Variants in ANKRD30A observed in about 807,000 individuals in gnomAD.
ANKRD30A encodes the protein ankyrin repeat domain 30A, also known as ankyrin repeat domain-containing protein 30A.
In ANKRD30A, 170 loss-of-function variants were observed where a neutral mutation model predicts 166.3. That is an observed-to-expected ratio of 1.02 (90% CI 0.90 to 1.16). The LOEUF is 1.16. Ranked by LOEUF, ANKRD30A falls within the 50% of genes most tolerant of loss-of-function variation. ANKRD30A has a pLI of 0.00. For synonymous variants in ANKRD30A, 564 were observed against 508.9 expected (o/e 1.11, Z -1.46); for missense variants, 1,630 against 1,518.0 (o/e 1.07, Z -1.23).
At chr10:37,228,967 C>T (rs947061718) in intron 34 of ANKRD30A, among the ~76,000 whole-genome samples, 1 of 151,970 alleles carries the variant, frequency 6.6e-6, no homozygotes, top group Admixed American at 6.6e-5. Flanking sequence ...TCGGCCAGGA[C>T]AGCTTGTCAC....
At chr10:37,253,664 T>TG in the ANKRD30A span, among the ~76,000 whole-genome samples, 1 of 150,982 alleles carries the variant, frequency 6.6e-6, no homozygotes, top group African/African-American at 2.4e-5. Flanking sequence ...TTTTTTTTTT[T>TG]TTGAGATGGA....
intron 1 of ANKRD30A, 55 bp from the exon 2 acceptor site, chr10:37,129,838 G>T: frequency 1.9e-6 from 2 of 1,038,546 alleles, no homozygotes; most frequent in Non-Finnish European, 2.6e-6. Flanking sequence ...ATAACTCATT[G>T]TATGTTTTGG....
At chr10:37,196,588 G>A (rs754032805) in intron 27 of ANKRD30A, among the ~76,000 whole-genome samples, 1 of 152,028 alleles carries the variant, frequency 6.6e-6, no homozygotes, top group Non-Finnish European at 1.5e-5. Context: ...AATTAAAAAA[G>A]TTATTTATGT....
At chr10:37,250,311 T>C in the ANKRD30A span, among the ~76,000 whole-genome samples, 1 of 152,146 alleles carries the variant, frequency 6.6e-6, no homozygotes, top group Admixed American at 6.5e-5. Context: ...GGGGTGGCCA[T>C]ACAGGTCAGG....
rs573637882 is a variant in ANKRD30A, at chr10:37,158,265, A to C, written c.1799-127A>C. 5 of 1,420,368 alleles carry C rather than the reference A, an allele frequency of 3.5e-6. No homozygotes were observed. In the East Asian group the frequency reaches 1.2e-4, roughly 33 times the overall value. 88.0% of individuals were successfully genotyped at this position (1,420,368 alleles called of 1,614,324 possible). On this transcript the variant is annotated intron_variant, in intron 13 of 35. Coordinates refer to ENST00000361713, the MANE Select transcript of ANKRD30A (RefSeq NM_052997.3). ...CAAATACAATAACCCAAAAGACCCC[A>C]AAACATAGTGTAATCCGTTTTGCAA...
chr10:37,145,335 GGTGTGGTGGCATACCCCTGTAA>G (rs1277041279), intron 8 of ANKRD30A, among the ~76,000 whole-genome samples: 2 of 151,994 alleles, frequency 1.3e-5, no homozygotes, highest in African/African-American at 4.8e-5. Context: ...AAATTAGTTG[GGTGTGGTGGCATACCCCTGTAA>G]TCCCAGCTAC....
At chr10:37,232,860 T>C (rs1164328741), downstream of ANKRD30A, among the ~76,000 whole-genome samples, 2 of 140,404 alleles carry the variant, frequency 1.4e-5, no homozygotes, top group Non-Finnish European at 1.5e-5. Flanking sequence ...GAATAGCCAA[T>C]GCCCTCCAGC....
chr10:37,235,459 A>G, downstream of ANKRD30A, among the ~76,000 whole-genome samples: 1 of 152,200 alleles, frequency 6.6e-6, no homozygotes, highest in East Asian at 1.9e-4. Flanking sequence ...ATTATGCTAC[A>G]TGGGAGTGCA....
intron 25 of ANKRD30A, among the ~76,000 whole-genome samples, chr10:37,191,568 C>T (rs1840579970): frequency 6.6e-6 from 1 of 152,006 alleles, no homozygotes; most frequent in Non-Finnish European, 1.5e-5. Flanking sequence ...TCAGTTTTCT[C>T]CTTATCAGTC....
At position 37,216,749 on chromosome 10, in the gene ANKRD30A, A is replaced by C. The variant is rs1307207144; in HGVS notation, c.3083+355A>C. On this transcript the variant is annotated intron_variant, in intron 32 of 35. Transcript: ENST00000361713. ...TTCTACTTTTCTAATTATTGACTTG[A>C]AATAAATTCTTCAATATAAAAATAT... Among the ~76,000 whole-genome samples, 4 of 151,314 alleles carry C rather than the reference A, an allele frequency of 2.6e-5. No individual in the cohort carries two copies. In the East Asian group the frequency reaches 7.8e-4, roughly 29 times the overall value.
intron 25 of ANKRD30A, 40 bp from the exon 26 acceptor site, chr10:37,193,024 G>C: frequency 6.2e-7 from 1 of 1,600,898 alleles, no homozygotes; most frequent in Non-Finnish European, 8.5e-7. Flanking sequence ...GCTTTGTCAA[G>C]CTTGCATACA....
chr10:37,215,454 G>A (rs1009139035), intron 31 of ANKRD30A, among the ~76,000 whole-genome samples: 1 of 151,326 alleles, frequency 6.6e-6, no homozygotes, highest in Non-Finnish European at 1.5e-5. Flanking sequence ...CCCCTCCTCA[G>A]TGTTTTGTTC....
chr10:37,143,690 A>G (rs1837312946), intron 7 of ANKRD30A, among the ~76,000 whole-genome samples: 1 of 152,200 alleles, frequency 6.6e-6, no homozygotes, highest in Non-Finnish European at 1.5e-5. Context: ...TGTGGTCTCT[A>G]TAACAGCTAT....
chr10:37,197,829 A>C (rs926689341), intron 29 of ANKRD30A, among the ~76,000 whole-genome samples: 8 of 151,976 alleles, frequency 5.3e-5, no homozygotes, highest in Admixed American at 5.2e-4. Flanking sequence ...TCCACGGTTT[A>C]TTTCGGGGAT....
At chr10:37,220,030 A>ATATATATATATATATGG (rs1842831122) in intron 34 of ANKRD30A, 133 bp downstream of exon 34, 1 of 147,472 alleles carries the variant, frequency 6.8e-6, no homozygotes, top group Non-Finnish European at 1.2e-5. Context: ...TATATATATA[A>ATATATATATATATATGG]TATATGTATG....
chr10:37,183,735 G>T (rs1290713976), intron 24 of ANKRD30A, among the ~76,000 whole-genome samples: 1 of 148,122 alleles, frequency 6.8e-6, no homozygotes, highest in Non-Finnish European at 1.5e-5. Flanking sequence ...AGATATTGAT[G>T]CCTTGAGAAT....
intron 31 of ANKRD30A, among the ~76,000 whole-genome samples, chr10:37,202,604 A>C (rs565167418): frequency 6.6e-6 from 1 of 152,338 alleles, no homozygotes; most frequent in Non-Finnish European, 1.5e-5. Context: ...AAACACATTC[A>C]AAAGCTAGCA....
chr10:37,264,281 G>A, the ANKRD30A span, among the ~76,000 whole-genome samples: 2 of 152,166 alleles, frequency 1.3e-5, no homozygotes, highest in Non-Finnish European at 2.9e-5. Context: ...CTTAGAGAAA[G>A]GCCAGCCATG....
Position 37,125,884 on chromosome 10 carries a change from A to C in ANKRD30A, c.97A>C (p.Ile33Leu). 1.3e-6 allele frequency: 2 copies of C among 1,555,464 alleles called. No individual in the cohort carries two copies. Among genetic ancestry groups the C allele is most frequent in the South Asian group, 2.2e-5 (2 of 89,408 alleles). Residue 33 changes from isoleucine to leucine, a missense_variant, in exon 1 of 36, where the codon ATC (isoleucine) becomes CTC (leucine). Ile to Leu is a conservative substitution (Grantham distance 5). Coordinates refer to ENST00000361713, the MANE Select transcript of ANKRD30A (RefSeq NM_052997.3). ...AGTCTATACCAGCAACGACTCCTAC[A>C]TCGTCCACTCTGGGGATCTTAGAAA... ...QLVYTSNDSY[I>L]VHSGDLRKIH...
Sources: gnomAD v4.1 joint callset for allele counts (sites outside exome capture counted in the v4.1 genomes callset) on GRCh38, gnomAD v4.1.1 for gene constraint, MANE v1.5 for transcripts, NCBI Gene and HGNC (gene_info 2026-07-23, HGNC 2026-07-21) for gene names.